PAX5: variants seen among roughly 807,000 people sequenced by gnomAD.
The protein encoded by PAX5 is paired box protein Pax-5.
PAX5 carries 9 observed loss-of-function variants against 43.7 expected under a neutral mutation model. The observed-to-expected ratio is 0.21, with a 90% CI of 0.12 to 0.36. PAX5 has a LOEUF of 0.36. Among genes scored for constraint, PAX5 ranks in the 10% least tolerant of loss-of-function variants. PAX5 has a pLI of 1.00. For synonymous variants in PAX5, 228 were observed against 214.3 expected, an observed-to-expected ratio of 1.06 and a Z score of -0.56; for missense variants, 383 against 532.7, an observed-to-expected ratio of 0.72 and a Z score of 2.77.
intron 5 of PAX5, among the ~76,000 whole-genome samples, chr9:36,978,023 T>C (rs757205218): frequency 1.7e-4 from 26 of 152,266 alleles, no homozygotes; most frequent in Non-Finnish European, 3.2e-4. Flanking sequence ...CACTATCCAT[T>C]ATCCAGAACC....
chr9:36,859,789 C>T (rs1336976788), intron 8 of PAX5, among the ~76,000 whole-genome samples: 1 of 152,262 alleles, frequency 6.6e-6, no homozygotes, highest in East Asian at 1.9e-4. Flanking sequence ...AATCCCAGCA[C>T]TTTGGGAGGC....
In PAX5 at chr9:37,015,095, G is replaced by A. The variant is rs779512009; in HGVS notation, c.312C>T (p.Arg104=). 1.1e-5 allele frequency: 17 copies of A among 1,614,076 alleles called. No homozygotes were observed. Among genetic ancestry groups the A allele is most frequent in the Non-Finnish European group, 1.4e-5 (17 of 1,180,036 alleles). Residue 104 remains arginine (R), a synonymous_variant, in exon 3 of 10, where the codon CGC becomes CGT. Transcript: ENST00000358127. The surrounding 1 kb of genome is among the most constrained non-coding windows in gnomAD (Gnocchi z 4.4). ...CCCAGGCAAACATGGTGGGATTTTG[G>A]CGTTTATATTCAGCGATTTTTTCCA... ...KVVEKIAEYK[R]QNPTMFAWEI... is the part of the protein sequence containing the mutation.
chr9:37,031,934 T>C (rs1306566394), intron 1 of PAX5, among the ~76,000 whole-genome samples: 1 of 152,200 alleles, frequency 6.6e-6, no homozygotes, highest in East Asian at 1.9e-4. Flanking sequence ...GAAGCTCTCA[T>C]AGGAACCAGA....
At chr9:36,841,154 A>G (rs972984560) in intron 9 of PAX5, among the ~76,000 whole-genome samples, 1 of 152,166 alleles carries the variant, frequency 6.6e-6, no homozygotes, top group African/African-American at 2.4e-5. Context: ...CTCTGAATTC[A>G]TTTCCCTCAG....
intron 8 of PAX5, among the ~76,000 whole-genome samples, chr9:36,868,094 T>A (rs1405007711): frequency 6.6e-6 from 1 of 150,806 alleles, no homozygotes; most frequent in Non-Finnish European, 1.5e-5. Context: ...GTGAAAAAAA[T>A]AAATAACTCA....
intron 6 of PAX5, among the ~76,000 whole-genome samples, chr9:36,946,947 C>T (rs1832577716): frequency 6.6e-6 from 1 of 152,146 alleles, no homozygotes; most frequent in Non-Finnish European, 1.5e-5. Flanking sequence ...TTACTTTTTC[C>T]AAATCCCAAA....
intron 7 of PAX5, among the ~76,000 whole-genome samples, chr9:36,914,945 G>T (rs777969928): frequency 6.6e-6 from 1 of 152,136 alleles, no homozygotes; most frequent in African/African-American, 2.4e-5. Context: ...TTACTTCAAA[G>T]TATATCTTAG....
At chr9:36,944,145 C>G (rs1334023532) in intron 6 of PAX5, among the ~76,000 whole-genome samples, 2 of 152,210 alleles carry the variant, frequency 1.3e-5, no homozygotes, top group African/African-American at 4.8e-5. Flanking sequence ...GATTGCACCA[C>G]TGCACTCCAG....
chr9:37,002,833 C>CT, intron 4 of PAX5, 57 bp from the exon 5 acceptor site: 1 of 1,551,464 alleles, frequency 6.4e-7, no homozygotes, highest in Non-Finnish European at 8.7e-7. Context: ...GGCGGACCGG[C>CT]TGTCACCGCA....
At chr9:36,989,515 G>A (rs961101659) in intron 5 of PAX5, among the ~76,000 whole-genome samples, 2 of 152,312 alleles carry the variant, frequency 1.3e-5, no homozygotes, top group East Asian at 3.9e-4. Flanking sequence ...CTCAGTAAAT[G>A]TTAGCCGTTA....
intron 1 of PAX5, among the ~76,000 whole-genome samples, chr9:37,024,377 G>A (rs1410894413): frequency 6.6e-6 from 1 of 152,086 alleles, no homozygotes; most frequent in Non-Finnish European, 1.5e-5. Context: ...GCAGTGGTAG[G>A]GGGACGGAGG....
intron 5 of PAX5, among the ~76,000 whole-genome samples, chr9:36,975,576 G>A (rs1036163629): frequency 1.3e-5 from 2 of 152,006 alleles, no homozygotes; most frequent in Admixed American, 6.6e-5. Context: ...TAGTAGAGAC[G>A]GGGTTCCACC....
chr9:36,909,290 A>G (rs1829059418), intron 7 of PAX5, among the ~76,000 whole-genome samples: 1 of 152,254 alleles, frequency 6.6e-6, no homozygotes, highest in South Asian at 2.1e-4. Flanking sequence ...AGCCACTGCT[A>G]CTGCAAAGGG....
At position 36,969,550 on chromosome 9, in the gene PAX5, C is replaced by A. The variant is rs138461111; in HGVS notation, c.605-2826G>T. Among the ~76,000 whole-genome samples, 122 of 152,376 alleles carry A rather than the reference C, an allele frequency of 8.0e-4. 2 individuals are homozygous for A. Among genetic ancestry groups the A allele is most frequent in the African/African-American group, 2.8e-3 (115 of 41,588 alleles). On this transcript the variant is annotated intron_variant, in intron 5 of 9. Transcript: ENST00000358127. Reference sequence around the variant, plus strand: ...CAGGGGGTGTTAGGAGACCCTCCCCCTGAGGACACCACACAGACTCAGCAC... The same window carrying A: ...CAGGGGGTGTTAGGAGACCCTCCCCATGAGGACACCACACAGACTCAGCAC...
chr9:36,940,338 C>A (rs1247894073), intron 6 of PAX5, among the ~76,000 whole-genome samples: 1 of 152,118 alleles, frequency 6.6e-6, no homozygotes, highest in African/African-American at 2.4e-5. Flanking sequence ...TTCTATCGCA[C>A]GCACCTAACC....
At chr9:36,871,364 T>C (rs1037267251) in intron 8 of PAX5, among the ~76,000 whole-genome samples, 10 of 152,224 alleles carry the variant, frequency 6.6e-5, no homozygotes, top group Admixed American at 2.6e-4. Flanking sequence ...GCAAGGCCAC[T>C]GTCCTCAGGA....
At chr9:36,867,050 G>C (rs1824953992) in intron 8 of PAX5, among the ~76,000 whole-genome samples, 1 of 49,128 alleles carries the variant, frequency 2.0e-5, no homozygotes, top group Non-Finnish European at 4.3e-5. Context: ...AAATGTCCTG[G>C]ATGGGGTGGT....
chr9:36,908,485 C>A (rs530986119), intron 7 of PAX5, among the ~76,000 whole-genome samples: 6 of 152,256 alleles, frequency 3.9e-5, no homozygotes, highest in Admixed American at 1.3e-4. Flanking sequence ...TGGCTGAGGG[C>A]AGGAATTCTA....
intron 5 of PAX5, among the ~76,000 whole-genome samples, chr9:36,998,428 G>A (rs1588180691): frequency 6.6e-6 from 1 of 152,274 alleles, no homozygotes; most frequent in East Asian, 1.9e-4. Flanking sequence ...CCTTGACTGA[G>A]GATAGTAGAG....
Sources: allele counts gnomAD v4.1 joint callset (sites outside exome capture counted in the v4.1 genomes callset), GRCh38; gene constraint gnomAD v4.1.1; non-coding constraint Gnocchi (gnomAD v3.1); transcripts MANE v1.5; gene names NCBI Gene and HGNC (gene_info 2026-07-23, HGNC 2026-07-21).